TMEM117: variants seen among roughly 807,000 people sequenced by gnomAD.
TMEM117 encodes transmembrane protein 117.
In TMEM117, 27 loss-of-function variants were observed where a neutral mutation model predicts 52.4. The observed-to-expected ratio is 0.51, with a 90% CI of 0.38 to 0.71. TMEM117 has a LOEUF of 0.71. Among genes scored for constraint, TMEM117 ranks in the 30% least tolerant of loss-of-function variants. The probability of loss-of-function intolerance (pLI) is 0.00; values close to 1 mark genes in which losing one functional copy is unlikely to be tolerated. For missense variants in TMEM117, 556 were observed against 630.5 expected, an observed-to-expected ratio of 0.88 and a Z score of 1.26; for synonymous variants, 215 against 206.3, an observed-to-expected ratio of 1.04 and a Z score of -0.36.
At chr12:43,846,688 A>G (rs894232966) in intron 2 of TMEM117, among the ~76,000 whole-genome samples, 9 of 151,408 alleles carry the variant, frequency 5.9e-5, no homozygotes, top group Non-Finnish European at 1.3e-4. Flanking sequence ...AAAAGAAAGT[A>G]GTTTTGAGTG....
chr12:44,252,964 C>T (rs1036140304), intron 5 of TMEM117, among the ~76,000 whole-genome samples: 8 of 150,794 alleles, frequency 5.3e-5, no homozygotes, highest in Admixed American at 1.3e-4. Context: ...AAGAAGAGGT[C>T]GGAAAAAGAG....
chr12:44,271,925 G>T (rs1950450920), intron 5 of TMEM117, among the ~76,000 whole-genome samples: 1 of 151,986 alleles, frequency 6.6e-6, no homozygotes, highest in African/African-American at 2.4e-5. Context: ...AATGGACAAA[G>T]GAGCTAAATA....
upstream of TMEM117, among the ~76,000 whole-genome samples, chr12:43,833,716 G>C (rs1458309666): frequency 2.0e-5 from 3 of 151,742 alleles, no homozygotes; most frequent in Non-Finnish European, 4.4e-5. Flanking sequence ...TTGAGCCCAG[G>C]AGTTTGAAGT....
chr12:44,301,140 T>C (rs900268642), intron 6 of TMEM117, among the ~76,000 whole-genome samples: 9 of 152,232 alleles, frequency 5.9e-5, no homozygotes, highest in Admixed American at 2.0e-4. Context: ...TACATTCATA[T>C]ATTTGAGAGC....
At chr12:44,151,961 A>G (rs1253776466) in intron 4 of TMEM117, among the ~76,000 whole-genome samples, 1 of 123,984 alleles carries the variant, frequency 8.1e-6, no homozygotes, top group Non-Finnish European at 1.6e-5. Flanking sequence ...AATATATTAT[A>G]TAAATATAAG....
chr12:44,276,351 A>G (rs1950510827), intron 5 of TMEM117, among the ~76,000 whole-genome samples: 1 of 152,210 alleles, frequency 6.6e-6, no homozygotes, highest in Admixed American at 6.5e-5. Context: ...AACAATATGA[A>G]TAAAGTTGGA....
intron 2 of TMEM117, among the ~76,000 whole-genome samples, chr12:43,896,854 T>A (rs575331238): frequency 6.6e-6 from 1 of 152,190 alleles, no homozygotes; most frequent in Non-Finnish European, 1.5e-5. Flanking sequence ...ATGAGGAGGT[T>A]TCAGTTTATG....
chr12:44,398,436 G>A, the TMEM117 span, among the ~76,000 whole-genome samples: 5 of 152,168 alleles, frequency 3.3e-5, no homozygotes, highest in Admixed American at 2.6e-4. Context: ...AAGCTGGGAC[G>A]TCAACCAGTT....
At chr12:44,396,757 G>A in the TMEM117 span, among the ~76,000 whole-genome samples, 1 of 151,792 alleles carries the variant, frequency 6.6e-6, no homozygotes, top group Non-Finnish European at 1.5e-5. Flanking sequence ...AGGAGGCTGA[G>A]GGAGGAGAAT....
At chr12:44,360,003 T>C (rs892831429) in intron 6 of TMEM117, among the ~76,000 whole-genome samples, 1 of 152,136 alleles carries the variant, frequency 6.6e-6, no homozygotes, top group African/African-American at 2.4e-5. Context: ...AAAGAAAACA[T>C]AAATTTGTAC....
chr12:44,180,338 G>T (rs1949175356), intron 4 of TMEM117, among the ~76,000 whole-genome samples: 1 of 148,282 alleles, frequency 6.7e-6, no homozygotes, highest in Non-Finnish European at 1.5e-5. Flanking sequence ...CGATGTAAAA[G>T]AACTACCTGA....
chr12:43,850,869 A>G (rs2464104), intron 2 of TMEM117, among the ~76,000 whole-genome samples: 19 of 146,948 alleles, frequency 1.3e-4, no homozygotes, highest in African/African-American at 4.5e-4. Context: ...GGTGATGATG[A>G]TGGTGATGAT....
intron 3 of TMEM117, among the ~76,000 whole-genome samples, chr12:44,074,988 C>T (rs1283095340): frequency 6.6e-6 from 1 of 152,190 alleles, no homozygotes; most frequent in Non-Finnish European, 1.5e-5. Context: ...TCATTTTCTC[C>T]TTCATGTTTG....
chr12:44,368,725 A>G lies in TMEM117; in HGVS notation c.769-7870A>G, dbSNP rs149356841. Among the ~76,000 whole-genome samples the G allele has an allele frequency of 5.1e-4, 77 of 152,290 alleles. No individual in the cohort carries two copies. In the East Asian group the frequency reaches 0.013, roughly 25 times the overall value. On this transcript the variant is annotated intron_variant, in intron 6 of 7. Coordinates refer to ENST00000266534, the MANE Select transcript of TMEM117 (RefSeq NM_032256.3). ...GACATTTTGTACCAAATATGCAAAT[A>G]TAATAAAGCACCAAATAAGTAGGAG...
chr12:43,908,635 T>G (rs1304122214), intron 2 of TMEM117, among the ~76,000 whole-genome samples: 13 of 151,114 alleles, frequency 8.6e-5, no homozygotes, highest in Non-Finnish European at 1.8e-4. Flanking sequence ...AGGCTCAAAA[T>G]AAAAGGAGGG....
At chr12:43,958,983 A>G (rs1945355908) in intron 3 of TMEM117, among the ~76,000 whole-genome samples, 1 of 151,580 alleles carries the variant, frequency 6.6e-6, no homozygotes, top group Non-Finnish European at 1.5e-5. Flanking sequence ...ATTTTTTTGT[A>G]TTTTTAATAG....
At chr12:43,918,687 C>T (rs1944645081) in intron 2 of TMEM117, among the ~76,000 whole-genome samples, 1 of 152,196 alleles carries the variant, frequency 6.6e-6, no homozygotes, top group Non-Finnish European at 1.5e-5. Flanking sequence ...CTTGTTAGCC[C>T]TTAGCTCTAT....
chr12:44,133,910 C>G (rs1387932816), intron 3 of TMEM117, among the ~76,000 whole-genome samples: 1 of 152,170 alleles, frequency 6.6e-6, no homozygotes, highest in Non-Finnish European at 1.5e-5. Context: ...TAAATGATGT[C>G]TGCTTAATAT....
chr12:44,217,915 A>G (rs948479332), intron 5 of TMEM117, among the ~76,000 whole-genome samples: 2 of 152,148 alleles, frequency 1.3e-5, no homozygotes, highest in African/African-American at 2.4e-5. Flanking sequence ...GAGTTGCAAC[A>G]ATTGCTTAAA....
Sources: gnomAD v4.1 joint callset for allele counts (sites outside exome capture counted in the v4.1 genomes callset) on GRCh38, gnomAD v4.1.1 for gene constraint, MANE v1.5 for transcripts, NCBI Gene and HGNC (gene_info 2026-07-23, HGNC 2026-07-21) for gene names.